Variants in SLC8A3 observed in about 807,000 individuals in gnomAD.
SLC8A3 encodes solute carrier family 8 member A3, also known as sodium/calcium exchanger 3.
SLC8A3 carries 37 observed loss-of-function variants against 65.4 expected under a neutral mutation model. That is an observed-to-expected ratio of 0.57 (90% confidence interval 0.44 to 0.74). SLC8A3 has a LOEUF of 0.74. SLC8A3 is among the 30% of genes least tolerant of loss of function. The probability of loss-of-function intolerance (pLI) is 0.00; values close to 1 mark genes in which losing one functional copy is unlikely to be tolerated. For synonymous variants in SLC8A3, 461 were observed against 444.5 expected (o/e 1.04, Z -0.47); for missense variants, 1,112 against 1,172.1 (o/e 0.95, Z 0.75).
At chr14:70,061,247 T>C (rs1433497442) in intron 2 of SLC8A3, among the ~76,000 whole-genome samples, 4 of 151,958 alleles carry the variant, frequency 2.6e-5, no homozygotes, top group Non-Finnish European at 5.9e-5. Context: ...AGGCGGGTAA[T>C]GGTGAGGAGG....
intron 2 of SLC8A3, among the ~76,000 whole-genome samples, chr14:70,160,877 CAA>C (rs3053363): frequency 7.5e-6 from 1 of 133,702 alleles, no homozygotes; most frequent in Non-Finnish European, 1.6e-5. Flanking sequence ...AGAAAAGAGA[CAA>C]AAAAAAAAAA....
intron 2 of SLC8A3, among the ~76,000 whole-genome samples, chr14:70,082,353 A>G (rs1021225599): frequency 1.3e-5 from 2 of 152,216 alleles, no homozygotes; most frequent in Non-Finnish European, 2.9e-5. Flanking sequence ...GAACGTCTCC[A>G]AGGGGGTTAT....
At chr14:70,100,262 G>C (rs1007177409) in intron 2 of SLC8A3, among the ~76,000 whole-genome samples, 1 of 152,208 alleles carries the variant, frequency 6.6e-6, no homozygotes, top group Non-Finnish European at 1.5e-5. Flanking sequence ...TCAACTTTGT[G>C]TGGTCAGACA....
Position 70,167,459 on chromosome 14 carries a change from C to A in SLC8A3, c.964G>T (p.Asp322Tyr). 1 of 1,614,138 alleles carries A rather than the reference C, an allele frequency of 6.2e-7. No individual in the cohort carries two copies. The highest frequency in any genetic ancestry group is 8.5e-7 in the Non-Finnish European group (1 of 1,180,024). The change falls in exon 2 of 7, where the codon GAT becomes TAT. Residue 322 changes from aspartate to tyrosine, a missense_variant. Physicochemically the swap from Asp to Tyr is radical, Grantham distance 160 (BLOSUM62 -3). Coordinates refer to ENST00000356921, the MANE Select transcript of SLC8A3 (RefSeq NM_182932.3). ...SRREMIRILK[D>Y]LKQKHPEKDL... ...TTCTCTGGGTGTTTTTGCTTCAGAT[C>A]CTTGAGAATCCGGATCATCTCTCTG...
chr14:70,085,926 A>T (rs1335630879), intron 2 of SLC8A3, among the ~76,000 whole-genome samples: 6 of 152,252 alleles, frequency 3.9e-5, no homozygotes, highest in Admixed American at 3.9e-4. Context: ...AAGAAGGTTA[A>T]GTCACAGCTA....
intron 2 of SLC8A3, among the ~76,000 whole-genome samples, chr14:70,125,736 TC>T (rs904401968): frequency 1.2e-4 from 18 of 152,230 alleles, no homozygotes; most frequent in African/African-American, 4.1e-4. Context: ...TATTTTCAGT[TC>T]TTTGAGAAAT....
intron 2 of SLC8A3, among the ~76,000 whole-genome samples, chr14:70,148,480 A>T (rs1896068581): frequency 6.6e-6 from 1 of 152,132 alleles, no homozygotes; most frequent in Non-Finnish European, 1.5e-5. Context: ...TACAATGACT[A>T]AGGTTTTAGC....
intron 1 of SLC8A3, among the ~76,000 whole-genome samples, chr14:70,172,240 C>T (rs945927802): frequency 6.6e-6 from 1 of 152,192 alleles, no homozygotes; most frequent in African/African-American, 2.4e-5. Context: ...ATGCTGAGTG[C>T]TTTCTCACTT....
intron 2 of SLC8A3, among the ~76,000 whole-genome samples, chr14:70,097,944 A>G (rs1028641661): frequency 6.6e-6 from 1 of 152,200 alleles, no homozygotes; most frequent in African/African-American, 2.4e-5. Flanking sequence ...GTCTTTGAAC[A>G]TAAACCTCCA....
At chr14:70,124,628 A>T (rs1419267015) in intron 2 of SLC8A3, among the ~76,000 whole-genome samples, 1 of 152,262 alleles carries the variant, frequency 6.6e-6, no homozygotes, top group African/African-American at 2.4e-5. Flanking sequence ...ATGAAGTTCA[A>T]AATCAATGCC....
intron 2 of SLC8A3, among the ~76,000 whole-genome samples, chr14:70,084,886 A>G (rs1414795289): frequency 6.6e-6 from 1 of 152,172 alleles, no homozygotes; most frequent in Non-Finnish European, 1.5e-5. Context: ...CAAGAATGTG[A>G]TGGAAGAATG....
At chr14:70,109,337 T>C (rs2140136238) in intron 2 of SLC8A3, among the ~76,000 whole-genome samples, 1 of 149,580 alleles carries the variant, frequency 6.7e-6, no homozygotes, top group African/African-American at 2.4e-5. Context: ...CACACACACA[T>C]ATATATACAT....
At chr14:70,107,995 C>T (rs1402722898) in intron 2 of SLC8A3, among the ~76,000 whole-genome samples, 1 of 151,998 alleles carries the variant, frequency 6.6e-6, no homozygotes, top group Non-Finnish European at 1.5e-5. Context: ...ACGTCTTTAC[C>T]ATGATTTCCT....
At chr14:70,143,341 A>G (rs752919709) in intron 2 of SLC8A3, among the ~76,000 whole-genome samples, 1 of 152,202 alleles carries the variant, frequency 6.6e-6, no homozygotes, top group Admixed American at 6.5e-5. Flanking sequence ...TAAGCCATTT[A>G]GTAACTTGCC....
chr14:70,046,676 G>A lies in SLC8A3; in HGVS notation c.2390-353C>T, dbSNP rs1886831968. On this transcript the variant is annotated intron_variant, in intron 6 of 6. Coordinates refer to ENST00000356921, the MANE Select transcript of SLC8A3 (RefSeq NM_182932.3). This position sits in a 1 kb window ranked among gnomAD's most constrained non-coding sequence, Gnocchi z 4.2. ...TCTCCCCAGGGAACCTTGACACCCT[G>A]GGAAGCTGCTTGGAGTAGATGCCTG... 1 of 211,338 alleles carries A rather than the reference G, an allele frequency of 4.7e-6. No homozygotes were observed. The highest frequency in any genetic ancestry group is 2.3e-5 in the African/African-American group (1 of 44,050). 13.1% of individuals were successfully genotyped at this position (211,338 alleles called of 1,614,324 possible). A position where few individuals can be genotyped will look rare whatever the true frequency, so the allele number is the denominator to read the frequency against.
chr14:70,080,064 G>C, intron 2 of SLC8A3: 1 of 983,868 alleles, frequency 1.0e-6, no homozygotes, highest in Non-Finnish European at 1.2e-6. Context: ...AGCAGGCTCA[G>C]CAAGTGATGG....
intron 2 of SLC8A3, among the ~76,000 whole-genome samples, chr14:70,126,367 T>C (rs565034722): frequency 6.6e-6 from 1 of 152,192 alleles, no homozygotes; most frequent in South Asian, 2.1e-4. Flanking sequence ...TGAAGAAAAG[T>C]CCCTCAACTT....
In SLC8A3 at chr14:70,167,661, T is replaced by A. The variant is rs1244135361; in HGVS notation, c.762A>T (p.Arg254=). 6.2e-6 allele frequency: 10 copies of A among 1,614,002 alleles called. No individual in the cohort carries two copies. Among genetic ancestry groups the A allele is most frequent in the Non-Finnish European group, 8.5e-6 (10 of 1,180,034 alleles). The part of the protein sequence containing the change: ...CVLLAWVADK[R]LLFYKYMHKK... ...TGTGCATGTATTTGTAGAAGAGCAG[T>A]CGTTTATCTGCCACCCAGGCCAGAA... Residue 254 remains arginine (R), a synonymous_variant, in exon 2 of 7, where the codon CGA becomes CGT. Coordinates refer to ENST00000356921, the MANE Select transcript of SLC8A3 (RefSeq NM_182932.3).
intron 2 of SLC8A3, among the ~76,000 whole-genome samples, chr14:70,121,227 G>T (rs887010799): frequency 6.6e-6 from 1 of 152,100 alleles, no homozygotes; most frequent in African/African-American, 2.4e-5. Context: ...AAGAGATCAG[G>T]TCCAGGCTCC....
Sources: gnomAD v4.1 joint callset for allele counts (sites outside exome capture counted in the v4.1 genomes callset) on GRCh38, gnomAD v4.1.1 for gene constraint, Gnocchi (gnomAD v3.1) non-coding constraint, MANE v1.5 for transcripts, NCBI Gene and HGNC (gene_info 2026-07-23, HGNC 2026-07-21) for gene names.